Variants in RNF212B observed in about 807,000 individuals in gnomAD.
The protein encoded by RNF212B is E3 ubiquitin-protein ligase RNF212B.
Under a neutral mutation model 55.5 loss-of-function variants are expected in RNF212B, and 52 were observed. The ratio of observed to expected loss-of-function variants is 0.94; its 90% CI spans 0.75 to 1.18. The LOEUF (loss-of-function observed/expected upper bound fraction) is 1.18. Ranked by LOEUF, RNF212B falls within the 50% of genes most tolerant of loss-of-function variation. The pLI is 0.00. For synonymous variants in RNF212B, 99 were observed against 121.4 expected, an observed-to-expected ratio of 0.82 and a Z score of 1.21; for missense variants, 289 against 350.4, an observed-to-expected ratio of 0.82 and a Z score of 1.40.
chr14:23,254,360 C>T (rs185167233), intron 4 of RNF212B, among the ~76,000 whole-genome samples: 1 of 151,652 alleles, frequency 6.6e-6, no homozygotes, highest in African/African-American at 2.4e-5. Flanking sequence ...TAAAACTGGG[C>T]ATGGTGGCTC....
intron 2 of RNF212B, among the ~76,000 whole-genome samples, chr14:23,231,995 G>A (rs1022364810): frequency 5.3e-5 from 8 of 152,302 alleles, no homozygotes; most frequent in Non-Finnish European, 8.8e-5. Context: ...GCTAGCTACA[G>A]CCTCCACCTC....
intron 6 of RNF212B, among the ~76,000 whole-genome samples, 194 bp downstream of exon 6, chr14:23,260,138 A>C (rs1476169089): frequency 6.6e-6 from 1 of 152,206 alleles, no homozygotes; most frequent in Non-Finnish European, 1.5e-5. Flanking sequence ...GGATCAATAT[A>C]TAGCACACTT....
chr14:23,254,319 AAAAAAC>A (rs1254160090), intron 4 of RNF212B, among the ~76,000 whole-genome samples: 29 of 147,074 alleles, frequency 2.0e-4, no homozygotes, highest in South Asian at 4.5e-4. Flanking sequence ...AAACAAAACA[AAAAAAC>A]AAAAACAAAA....
chr14:23,259,174 A>G (rs1180394734), intron 5 of RNF212B, among the ~76,000 whole-genome samples: 1 of 150,312 alleles, frequency 6.7e-6, no homozygotes, highest in Admixed American at 6.6e-5. Flanking sequence ...GTGGGTGAAA[A>G]AGTGAGACAC....
intron 2 of RNF212B, among the ~76,000 whole-genome samples, chr14:23,195,204 G>C (rs1056165392): frequency 6.6e-6 from 1 of 151,826 alleles, no homozygotes; most frequent in African/African-American, 2.4e-5. Flanking sequence ...GAGGTGGAAG[G>C]ATTGCTTGAT....
chr14:23,272,172 C>T (rs1263784668), intron 14 of RNF212B, among the ~76,000 whole-genome samples: 2 of 152,114 alleles, frequency 1.3e-5, no homozygotes, highest in East Asian at 1.9e-4. Context: ...AATCCCAGCA[C>T]TTTGGGAGGC....
At chr14:23,209,024 C>T (rs1022237056) in intron 2 of RNF212B, among the ~76,000 whole-genome samples, 1 of 152,144 alleles carries the variant, frequency 6.6e-6, no homozygotes, top group African/African-American at 2.4e-5. Flanking sequence ...TCCCAGAGTG[C>T]TGGGATTACA....
chr14:23,217,977 A>G (rs1236641721), intron 2 of RNF212B, among the ~76,000 whole-genome samples: 2 of 152,144 alleles, frequency 1.3e-5, no homozygotes, highest in African/African-American at 4.8e-5. Context: ...GAACTCAAAA[A>G]AATTCAAGAT....
intron 1 of RNF212B, among the ~76,000 whole-genome samples, chr14:23,187,858 C>A (rs955491462): frequency 6.6e-6 from 1 of 151,888 alleles, no homozygotes; most frequent in African/African-American, 2.4e-5. Context: ...TTAGATGGGG[C>A]CTTCCTGAGC....
intron 4 of RNF212B, among the ~76,000 whole-genome samples, chr14:23,257,131 C>T (rs947438364): frequency 2.0e-5 from 3 of 151,224 alleles, no homozygotes; most frequent in Non-Finnish European, 1.5e-5. Context: ...CCAGCCTGGG[C>T]GACAGAGCGA....
chr14:23,207,661 C>A (rs1026811470), intron 2 of RNF212B, among the ~76,000 whole-genome samples: 4 of 152,182 alleles, frequency 2.6e-5, no homozygotes, highest in African/African-American at 9.7e-5. Context: ...ACTCAGAATC[C>A]TCCCATGGTT....
chr14:23,194,993 A>C (rs12892307), intron 2 of RNF212B, among the ~76,000 whole-genome samples: 66,158 of 151,734 alleles, frequency 0.44, 16,604 homozygotes, highest in Admixed American at 0.59. Context: ...TTCTTGGGTC[A>C]CAATGAAATT....
At chr14:23,241,124 C>T (rs915164497) in intron 2 of RNF212B, among the ~76,000 whole-genome samples, 1 of 151,986 alleles carries the variant, frequency 6.6e-6, no homozygotes, top group African/African-American at 2.4e-5. Flanking sequence ...TCACGGAAGA[C>T]TTCACAGAAG....
chr14:23,189,329 G>T (rs931291876), intron 1 of RNF212B, among the ~76,000 whole-genome samples: 1 of 152,140 alleles, frequency 6.6e-6, no homozygotes, highest in South Asian at 2.1e-4. Flanking sequence ...CCATTGAAAT[G>T]AATGTGCTGT....
At chr14:23,187,841 T>C (rs1877743330) in intron 1 of RNF212B, among the ~76,000 whole-genome samples, 1 of 152,144 alleles carries the variant, frequency 6.6e-6, no homozygotes. Flanking sequence ...TCACTGCCTA[T>C]GGTCGATTAG....
intron 2 of RNF212B, among the ~76,000 whole-genome samples, chr14:23,212,641 G>A (rs991100400): frequency 3.3e-5 from 5 of 151,860 alleles, no homozygotes; most frequent in Non-Finnish European, 7.4e-5. Context: ...GAGTGCAGTG[G>A]CGCAGTCTCG....
intron 2 of RNF212B, among the ~76,000 whole-genome samples, chr14:23,209,173 T>A (rs1352084286): frequency 6.6e-6 from 1 of 152,206 alleles, no homozygotes; most frequent in Admixed American, 6.5e-5. Context: ...ATGGCATTTG[T>A]AAACTGTCAT....
At chr14:23,272,387 C>A (rs1450981680) in intron 14 of RNF212B, 3 of 225,352 alleles carry the variant, frequency 1.3e-5, no homozygotes, top group Non-Finnish European at 1.8e-5. Context: ...CCACTGCACT[C>A]CAGCCTGGGT....
chr14:23,202,525 T>A (rs1367028140), intron 2 of RNF212B, among the ~76,000 whole-genome samples: 2 of 152,162 alleles, frequency 1.3e-5, no homozygotes, highest in African/African-American at 4.8e-5. Flanking sequence ...GATTGGCATC[T>A]TCTACAGGGC....
Sources: allele counts gnomAD v4.1 joint callset (sites outside exome capture counted in the v4.1 genomes callset), GRCh38; gene constraint gnomAD v4.1.1; transcripts MANE v1.5; gene names NCBI Gene and HGNC (gene_info 2026-07-23, HGNC 2026-07-21).